The following SLC9A4 variants were observed in gnomAD, a reference collection of about 807,000 sequenced individuals.
The protein encoded by SLC9A4 is solute carrier family 9 member A4.
In SLC9A4, 63 loss-of-function variants were observed where a neutral mutation model predicts 67.4. That is an observed-to-expected ratio of 0.93 (90% confidence interval 0.76 to 1.15). SLC9A4 has a LOEUF of 1.15. Ranked by LOEUF, SLC9A4 falls within the 50% of genes most tolerant of loss-of-function variation. The pLI, the probability that SLC9A4 is intolerant of heterozygous loss-of-function variation, is 0.00. For synonymous variants in SLC9A4, 393 were observed against 367.2 expected, an observed-to-expected ratio of 1.07 and a Z score of -0.80; for missense variants, 1,089 against 987.7, an observed-to-expected ratio of 1.10 and a Z score of -1.38.
Position 102,491,317 on chromosome 2 carries a change from C to CTTTTTTTTTTTTTTTT in SLC9A4, c.720+12035_720+12050dup, listed in dbSNP as rs61708027. Reference sequence around the variant, plus strand: ...ATTTCTCTTCCCATTTGTACTAATGCTTTTTTTTTTTTTTTTTTTTTTTTT... The same window carrying CTTTTTTTTTTTTTTTT: ...ATTTCTCTTCCCATTTGTACTAATGCTTTTTTTTTTTTTTTTTTTTTTTTTTTTTTTTTTTTTTTTT... On this transcript the variant is annotated intron_variant, in intron 2 of 11. Transcript: ENST00000295269. Among the ~76,000 whole-genome samples the CTTTTTTTTTTTTTTTT allele has an allele frequency of 2.4e-3, 111 of 45,770 alleles. 12 individuals carry two copies. Among genetic ancestry groups the CTTTTTTTTTTTTTTTT allele is most frequent in the Non-Finnish European group, 3.8e-3 (93 of 24,516 alleles). 30.0% of individuals were successfully genotyped at this position (45,770 alleles called of 152,430 possible).
chr2:102,522,556 C>T (rs746477878), intron 9 of SLC9A4, among the ~76,000 whole-genome samples: 22 of 152,002 alleles, frequency 1.4e-4, no homozygotes, highest in Non-Finnish European at 4.4e-5. Flanking sequence ...TAAAGTGCAG[C>T]CTCCTCCCAA....
chr2:102,519,401 C>T (rs1281610668), intron 8 of SLC9A4, among the ~76,000 whole-genome samples: 2 of 151,692 alleles, frequency 1.3e-5, no homozygotes, highest in East Asian at 3.9e-4. Context: ...AATTGCTTGT[C>T]ACCTGTCCTC....
In SLC9A4 at chr2:102,532,612, G is replaced by A. The variant is rs1008911718; in HGVS notation, c.2321G>A (p.Arg774Gln). Residue 774 changes from arginine to glutamine, a missense_variant, in exon 12 of 12, where the codon CGG becomes CAG. Arg to Gln is a conservative substitution (Grantham distance 43). Coordinates refer to ENST00000295269, the MANE Select transcript of SLC9A4 (RefSeq NM_001011552.4). ...GGCAAGGCCTCTTTGGTTGAGGTTC[G>A]GTCGAGGTGGACAGCTGACCATGGA... is the stretch of plus-strand genomic sequence containing the variant. ...SEGKASLVEV[R>Q]SRWTADHGHG... 10 of 1,613,978 alleles carry A rather than the reference G, an allele frequency of 6.2e-6. No homozygotes were observed. The highest frequency in any genetic ancestry group is 5.5e-5 in the South Asian group (5 of 91,056).
chr2:102,481,117 C>T (rs929830152), intron 2 of SLC9A4, among the ~76,000 whole-genome samples: 4 of 152,098 alleles, frequency 2.6e-5, no homozygotes, highest in African/African-American at 7.2e-5. Flanking sequence ...ATCCAGGGAT[C>T]GGCGTGGGGA....
chr2:102,483,563 A>G (rs184933415), intron 2 of SLC9A4, among the ~76,000 whole-genome samples: 2 of 152,168 alleles, frequency 1.3e-5, no homozygotes, highest in African/African-American at 2.4e-5. Flanking sequence ...CAGTCGAAAT[A>G]TTGATGAATC....
intron 9 of SLC9A4, among the ~76,000 whole-genome samples, chr2:102,522,157 C>A (rs1685435864): frequency 6.6e-6 from 1 of 152,292 alleles, no homozygotes; most frequent in Non-Finnish European, 1.5e-5. Flanking sequence ...GGCTTCAGCC[C>A]AGACCTCCAG....
intron 2 of SLC9A4, among the ~76,000 whole-genome samples, chr2:102,491,418 G>GCAC (rs1276529947): frequency 2.2e-5 from 3 of 133,790 alleles, no homozygotes; most frequent in Non-Finnish European, 3.1e-5. Context: ...ATGGACTCAA[G>GCAC]CACCACATAG....
At chr2:102,486,756 T>A (rs1416248673) in intron 2 of SLC9A4, among the ~76,000 whole-genome samples, 2 of 152,128 alleles carry the variant, frequency 1.3e-5, no homozygotes, top group African/African-American at 4.8e-5. Context: ...ATTGTGAGGA[T>A]GTTGTGAAAT....
chr2:102,497,748 G>A (rs7579104), intron 2 of SLC9A4, among the ~76,000 whole-genome samples: 3,532 of 152,264 alleles, frequency 0.023, 121 homozygotes, highest in East Asian at 0.09. Context: ...TGACTATGGC[G>A]ATGGCTTTAT....
chr2:102,489,740 C>T (rs1228641518), intron 2 of SLC9A4, among the ~76,000 whole-genome samples: 1 of 152,190 alleles, frequency 6.6e-6, no homozygotes, highest in Non-Finnish European at 1.5e-5. Context: ...TTTAACTTCC[C>T]TATCCTGGGC....
At chr2:102,515,368 A>C (rs1558670406) in intron 8 of SLC9A4, among the ~76,000 whole-genome samples, 1 of 149,764 alleles carries the variant, frequency 6.7e-6, no homozygotes. Context: ...ACTAAAAGTC[A>C]CTAAGAAATA....
intron 2 of SLC9A4, among the ~76,000 whole-genome samples, chr2:102,488,650 G>A (rs560608711): frequency 4.0e-5 from 6 of 151,052 alleles, no homozygotes; most frequent in South Asian, 4.2e-4. Flanking sequence ...CCAGGTTCGC[G>A]ACATTCTCCT....
At chr2:102,504,503 G>T (rs1303536625) in intron 3 of SLC9A4, among the ~76,000 whole-genome samples, 1 of 152,158 alleles carries the variant, frequency 6.6e-6, no homozygotes, top group East Asian at 1.9e-4. Flanking sequence ...TTTTTGAAAT[G>T]CTTATCCTTA....
At chr2:102,510,711 A>T (rs539528749) in intron 6 of SLC9A4, among the ~76,000 whole-genome samples, 33 of 152,352 alleles carry the variant, frequency 2.2e-4, no homozygotes, top group African/African-American at 7.7e-4. Flanking sequence ...CACCGTTCCA[A>T]TGAAATATGG....
intron 1 of SLC9A4, among the ~76,000 whole-genome samples, chr2:102,477,143 G>A (rs1168041943): frequency 6.6e-6 from 1 of 152,142 alleles, no homozygotes; most frequent in East Asian, 1.9e-4. Flanking sequence ...CCTTAGGTTT[G>A]AATTCAAGGT....
intron 9 of SLC9A4, among the ~76,000 whole-genome samples, chr2:102,524,141 C>G (rs1410660860): frequency 6.6e-6 from 1 of 152,226 alleles, no homozygotes; most frequent in African/African-American, 2.4e-5. Flanking sequence ...AGAACATTTT[C>G]TCTATTGAAG....
At position 102,478,990 on chromosome 2, in the gene SLC9A4, A is replaced by C; in HGVS notation, c.408A>C (p.Pro136=). 1.2e-6 allele frequency: 2 copies of C among 1,613,996 alleles called. No individual in the cohort carries two copies. ...DSSIYFLYLL[P]PIVLEGGYFM... is the part of the protein sequence containing the mutation. ...GCATCTACTTCCTGTATCTCCTGCC[A>C]CCCATCGTTCTGGAGGGCGGCTACT... Residue 136 remains proline (P), a synonymous_variant, in exon 2 of 12, where the codon CCA becomes CCC. Coordinates refer to ENST00000295269, the MANE Select transcript of SLC9A4 (RefSeq NM_001011552.4).
At chr2:102,481,575 C>A (rs992514345) in intron 2 of SLC9A4, among the ~76,000 whole-genome samples, 1 of 151,814 alleles carries the variant, frequency 6.6e-6, no homozygotes, top group East Asian at 1.9e-4. Flanking sequence ...GCAAATGTTG[C>A]GTCTTGCTCA....
chr2:102,489,234 A>G (rs921809507), intron 2 of SLC9A4, among the ~76,000 whole-genome samples: 1 of 152,190 alleles, frequency 6.6e-6, no homozygotes, highest in Non-Finnish European at 1.5e-5. Context: ...AGGGATTTGC[A>G]TAGACTGAGG....
Sources: gnomAD v4.1 joint callset for allele counts (sites outside exome capture counted in the v4.1 genomes callset) on GRCh38, gnomAD v4.1.1 for gene constraint, MANE v1.5 for transcripts, NCBI Gene and HGNC (gene_info 2026-07-23, HGNC 2026-07-21) for gene names.